CDCP2: variants seen among roughly 807,000 people sequenced by gnomAD.
CDCP2 encodes the protein CUB domain containing protein 2, also known as CUB domain-containing protein 2.
In CDCP2, 31 loss-of-function variants were observed where a neutral mutation model predicts 31.0. The observed-to-expected ratio is 1.00, with a 90% CI of 0.75 to 1.35. The LOEUF (loss-of-function observed/expected upper bound fraction) is 1.35. Among genes scored for constraint, CDCP2 ranks in the 40% most tolerant of loss-of-function variants. The probability of loss-of-function intolerance (pLI) is 0.00; values close to 1 mark genes in which losing one functional copy is unlikely to be tolerated. For missense variants in CDCP2, 443 were observed against 482.6 expected (o/e 0.92, Z 0.77); for synonymous variants, 206 against 207.9 (o/e 0.99, Z 0.08).
In CDCP2 at chr1:54,139,651, G is replaced by GGGC. The variant is rs767465711; in HGVS notation, c.1117+99_1117+101dup. On this transcript the variant is annotated intron_variant, in intron 4 of 5. Coordinates refer to ENST00000530059, the Ensembl canonical transcript of CDCP2. ...AGCTGGAGAAGACCATTCATGGGGG[G>GGGC]GGCAGGACAAACTGGTGGGATGGAG... 18 of 1,613,604 alleles carry GGGC rather than the reference G, an allele frequency of 1.1e-5. No individual in the cohort carries two copies. In the South Asian group the frequency reaches 2.0e-4, roughly 18 times the overall value.
intron 5 of CDCP2, among the ~76,000 whole-genome samples, chr1:54,134,716 G>A (rs1659227664): frequency 7.0e-6 from 1 of 143,532 alleles, no homozygotes. Flanking sequence ...GTTCTCATGT[G>A]GTTTTTTTTG....
At chr1:54,140,200 G>C in intron 3 of CDCP2, 94 bp from the exon 4 acceptor site, 1 of 1,200,418 alleles carries the variant, frequency 8.3e-7, no homozygotes, top group East Asian at 2.4e-5. Context: ...GTGCCACAGT[G>C]GTCCAAAAAC....
intron 3 of CDCP2, chr1:54,140,400 T>G: frequency 2.2e-6 from 1 of 459,114 alleles, no homozygotes. Flanking sequence ...ACACAATACC[T>G]GTCCTCAGAG....
chr1:54,147,008 A>G (rs992563413), intron 1 of CDCP2, among the ~76,000 whole-genome samples: 1 of 132,612 alleles, frequency 7.5e-6, no homozygotes, highest in Non-Finnish European at 1.5e-5. Context: ...CTTAGCAGGT[A>G]GAGTTTGCAG....
intron 2 of CDCP2, 160 bp from the exon 3 acceptor site, chr1:54,141,593 CGTGCTCAGGCCCAGCAT>C: frequency 1.6e-6 from 1 of 628,006 alleles, no homozygotes; most frequent in Non-Finnish European, 2.8e-6. Context: ...AAGTGTAGCA[CGTGCTCAGGCCCAGCAT>C]TTGGCACCTA....
exon 4 of CDCP2, chr1:54,139,782 C>T (rs759128689): frequency 2.7e-5 from 44 of 1,614,044 alleles, no homozygotes; most frequent in South Asian, 5.5e-5. Flanking sequence ...GAAGCCCCTG[C>T]GGGTGGTGCT....
intron 2 of CDCP2, 128 bp downstream of exon 2, chr1:54,144,338 C>T: frequency 1.2e-6 from 1 of 819,292 alleles, no homozygotes. Flanking sequence ...CACCCCAGGG[C>T]CAGCTCCTCC....
chr1:54,137,692 T>TGTGTGTGTGTGTGTGCGCACGC (rs60839953), intron 4 of CDCP2: 2 of 146,090 alleles, frequency 1.4e-5, no homozygotes, highest in Non-Finnish European at 3.0e-5. Flanking sequence ...TGCGTGTGTG[T>TGTGTGTGTGTGTGTGCGCACGC]GTGTGTGTGT....
exon 2 of CDCP2, chr1:54,144,618 T>C (rs1659429979): frequency 2.0e-5 from 32 of 1,612,050 alleles, no homozygotes; most frequent in Non-Finnish European, 2.7e-5. Flanking sequence ...TGAGGCCCCA[T>C]TGTAGATCTC....
At chr1:54,149,507 TG>T (rs1470648883) in intron 1 of CDCP2, among the ~76,000 whole-genome samples, 1 of 152,162 alleles carries the variant, frequency 6.6e-6, no homozygotes, top group East Asian at 1.9e-4. Context: ...TGCGTGTGTT[TG>T]AAATTTTTCA....
rs1171260045 is a variant in CDCP2 at position 54,144,476 on chromosome 1, GC to G, written c.416del (p.Gly139AlafsTer11). On this transcript the variant is annotated frameshift_variant, in exon 2 of 6. Transcript: ENST00000530059. LOFTEE classifies it high-confidence loss of function. ...AGGCCCCCCGTTGACCTTTCTGGTA[GC>G]CCGCAGAAAAGCCATGGCTGGCCAC... is the stretch of plus-strand genomic sequence containing the variant. 1 of 1,573,576 alleles carries G rather than the reference GC, an allele frequency of 6.4e-7. No homozygotes were observed. The highest frequency in any genetic ancestry group is 1.3e-5 in the African/African-American group (1 of 74,316).
At chr1:54,144,469 T>C in exon 2 of CDCP2, 1 of 1,570,110 alleles carries the variant, frequency 6.4e-7, no homozygotes, top group Non-Finnish European at 8.7e-7. Flanking sequence ...CGTTGACCTT[T>C]CTGGTAGCCC....
At chr1:54,145,091 A>G (rs1659441226) in intron 1 of CDCP2, among the ~76,000 whole-genome samples, 1 of 152,156 alleles carries the variant, frequency 6.6e-6, no homozygotes, top group Non-Finnish European at 1.5e-5. Context: ...TGGAACCTAC[A>G]TTCTGGCAGG....
intron 4 of CDCP2, among the ~76,000 whole-genome samples, chr1:54,137,434 A>G (rs1659276382): frequency 6.6e-6 from 1 of 152,172 alleles, no homozygotes; most frequent in Non-Finnish European, 1.5e-5. Flanking sequence ...AAAGGGTGGT[A>G]AGGGAAGCCT....
chr1:54,137,541 G>A (rs772425816), intron 4 of CDCP2, among the ~76,000 whole-genome samples: 3 of 152,220 alleles, frequency 2.0e-5, no homozygotes, highest in Non-Finnish European at 4.4e-5. Context: ...GTTGTTTGCA[G>A]TGGCCAACCG....
At chr1:54,144,245 C>T (rs1193310435) in intron 2 of CDCP2, 7 of 527,092 alleles carry the variant, frequency 1.3e-5, no homozygotes, top group Non-Finnish European at 2.4e-5. Flanking sequence ...GAGCTGGGTC[C>T]TGCAGGTTAC....
intron 3 of CDCP2, chr1:54,140,777 A>G: frequency 3.9e-6 from 1 of 256,466 alleles, no homozygotes; most frequent in Non-Finnish European, 7.4e-6. Context: ...GTACAAAGAT[A>G]AGCCCATAAG....
chr1:54,151,987 A>C, intron 1 of CDCP2, among the ~76,000 whole-genome samples: 1 of 152,172 alleles, frequency 6.6e-6, no homozygotes, highest in Non-Finnish European at 1.5e-5. Context: ...AGGGTGAAGC[A>C]GAAGGGGTTG....
exon 6 of CDCP2, chr1:54,133,131 G>A (rs556799668): frequency 1.9e-4 from 74 of 399,176 alleles, no homozygotes; most frequent in Middle Eastern, 1.3e-3. Flanking sequence ...GTGCTCCGCA[G>A]TGGCAGCATA....
Sources: allele counts gnomAD v4.1 joint callset (sites outside exome capture counted in the v4.1 genomes callset), GRCh38; gene constraint gnomAD v4.1.1; transcripts MANE v1.5; gene names NCBI Gene and HGNC (gene_info 2026-07-23, HGNC 2026-07-21).